UNC13C: variants seen among roughly 807,000 people sequenced by gnomAD.
UNC13C encodes protein unc-13 homolog C.
In UNC13C, 174 loss-of-function variants were observed where a neutral mutation model predicts 245.4. That is an observed-to-expected ratio of 0.71 (90% CI 0.63 to 0.80). The LOEUF (loss-of-function observed/expected upper bound fraction) is 0.80, where lower values mean the gene tolerates loss of function less well. Among genes scored for constraint, UNC13C ranks in the 30% least tolerant of loss-of-function variants. The pLI is 0.00. For synonymous variants in UNC13C, 992 were observed against 895.1 expected, an observed-to-expected ratio of 1.11 and a Z score of -1.93; for missense variants, 2,829 against 2,602.9, an observed-to-expected ratio of 1.09 and a Z score of -1.89.
intron 17 of UNC13C, among the ~76,000 whole-genome samples, chr15:54,385,026 G>A (rs527563469): frequency 6.6e-6 from 1 of 152,236 alleles, no homozygotes; most frequent in South Asian, 2.1e-4. Flanking sequence ...TGCTGGCAAG[G>A]ACGTGAGGAA....
the UNC13C span, among the ~76,000 whole-genome samples, chr15:53,853,034 G>A: frequency 6.7e-6 from 1 of 150,080 alleles, no homozygotes; most frequent in African/African-American, 2.5e-5. Flanking sequence ...TTTATTTTAA[G>A]TACAATGGTA....
intron 30 of UNC13C, among the ~76,000 whole-genome samples, chr15:54,617,176 T>A (rs770492730): frequency 6.6e-6 from 1 of 152,000 alleles, no homozygotes; most frequent in Non-Finnish European, 1.5e-5. Flanking sequence ...CTGTAGAGTT[T>A]AGTGAAGTGA....
intron 19 of UNC13C, among the ~76,000 whole-genome samples, chr15:54,430,620 A>G (rs987228441): frequency 4.0e-5 from 6 of 151,740 alleles, no homozygotes; most frequent in Non-Finnish European, 5.9e-5. Flanking sequence ...TTGTCAAATT[A>G]CATTTTCTAT....
chr15:54,537,366 C>T (rs960207473), intron 26 of UNC13C, among the ~76,000 whole-genome samples: 2 of 152,012 alleles, frequency 1.3e-5, no homozygotes, highest in East Asian at 1.9e-4. Flanking sequence ...ATTCCATGCT[C>T]ATGGATAGGA....
At chr15:54,622,791 G>A (rs1900877504) in intron 31 of UNC13C, among the ~76,000 whole-genome samples, 1 of 152,106 alleles carries the variant, frequency 6.6e-6, no homozygotes, top group Non-Finnish European at 1.5e-5. Flanking sequence ...CTGGCTTAGA[G>A]TTCTTTACAA....
At chr15:53,994,574 A>C (rs957578894) in intron 1 of UNC13C, among the ~76,000 whole-genome samples, 6 of 152,046 alleles carry the variant, frequency 3.9e-5, no homozygotes, top group African/African-American at 1.4e-4. Flanking sequence ...CTAATTCTGT[A>C]AGCATCTATG....
intron 19 of UNC13C, among the ~76,000 whole-genome samples, chr15:54,462,546 G>C (rs1317063931): frequency 6.6e-6 from 1 of 152,216 alleles, no homozygotes; most frequent in African/African-American, 2.4e-5. Flanking sequence ...CCCACACTTT[G>C]AGCAACTGGC....
chr15:54,231,112 G>A (rs1195489608), intron 4 of UNC13C, among the ~76,000 whole-genome samples: 1 of 151,918 alleles, frequency 6.6e-6, no homozygotes. Flanking sequence ...GGAATACTGA[G>A]GCTATTTTGT....
the UNC13C span, among the ~76,000 whole-genome samples, chr15:53,930,510 T>C: frequency 1.3e-5 from 2 of 152,176 alleles, no homozygotes; most frequent in African/African-American, 2.4e-5. Flanking sequence ...CTTTGGCTCT[T>C]TCTAGGGCAG....
At chr15:54,403,822 G>T (rs1489459111) in intron 18 of UNC13C, among the ~76,000 whole-genome samples, 1 of 149,842 alleles carries the variant, frequency 6.7e-6, no homozygotes, top group East Asian at 2.0e-4. Context: ...TTAAAATAAT[G>T]CCTTGAAACA....
chr15:54,081,681 C>G (rs1437680737), intron 2 of UNC13C, among the ~76,000 whole-genome samples: 2 of 151,822 alleles, frequency 1.3e-5, no homozygotes, highest in Admixed American at 1.3e-4. Flanking sequence ...CTGTGGGTAT[C>G]ATTACACATA....
At chr15:53,969,348 A>T in the UNC13C span, among the ~76,000 whole-genome samples, 54 of 152,280 alleles carry the variant, frequency 3.5e-4, no homozygotes, top group African/African-American at 1.3e-3. Context: ...TCAAGCAGGA[A>T]TTTGATAAAT....
At chr15:54,067,339 C>T (rs1315685905) in intron 2 of UNC13C, among the ~76,000 whole-genome samples, 1 of 152,144 alleles carries the variant, frequency 6.6e-6, no homozygotes, top group Non-Finnish European at 1.5e-5. Flanking sequence ...TTTAGGCCAA[C>T]ACACTCCACA....
intron 30 of UNC13C, among the ~76,000 whole-genome samples, chr15:54,616,282 G>A (rs1900424993): frequency 6.6e-6 from 1 of 151,980 alleles, no homozygotes; most frequent in African/African-American, 2.4e-5. Context: ...GTTAATTTAA[G>A]TATGTCTACA....
chr15:54,535,483 A>G (rs1895947569), intron 26 of UNC13C, among the ~76,000 whole-genome samples: 1 of 152,084 alleles, frequency 6.6e-6, no homozygotes, highest in Non-Finnish European at 1.5e-5. Flanking sequence ...TAAACTCTAC[A>G]CTTGACCAAA....
At chr15:54,134,094 A>G (rs537465105) in intron 2 of UNC13C, among the ~76,000 whole-genome samples, 2 of 151,482 alleles carry the variant, frequency 1.3e-5, no homozygotes, top group Non-Finnish European at 1.5e-5. Flanking sequence ...CTTATGTACT[A>G]TATTAACACA....
In UNC13C at chr15:54,038,120, ATATATT is replaced by A. The variant is rs1351960812; in HGVS notation, c.2983+22236_2983+22241del. Among the ~76,000 whole-genome samples, 4 of 45,198 alleles carry A rather than the reference ATATATT, an allele frequency of 8.8e-5. 1 individual carries two copies. Among genetic ancestry groups the A allele is most frequent in the African/African-American group, 4.2e-4 (4 of 9,594 alleles). The allele number at this position is 45,198 out of a possible 152,430, so 29.7% of individuals were successfully genotyped here. On this transcript the variant is annotated intron_variant, in intron 2 of 32. Coordinates refer to ENST00000260323, the MANE Select transcript of UNC13C (RefSeq NM_001080534.3). ...TATACATATATATATATATATATAT[ATATATT>A]TTTTTTTTTTTTTTCCTGAGACAGA...
At chr15:54,363,926 A>C (rs1834557851) in intron 17 of UNC13C, among the ~76,000 whole-genome samples, 1 of 152,226 alleles carries the variant, frequency 6.6e-6, no homozygotes, top group Admixed American at 6.5e-5. Flanking sequence ...ACTAACAAGC[A>C]ATTTTCAGTA....
chr15:54,295,648 G>GT (rs1453445156), intron 11 of UNC13C, among the ~76,000 whole-genome samples: 1 of 98,314 alleles, frequency 1.0e-5, no homozygotes. Context: ...GTGAGACCTT[G>GT]TAAAAAAAAA....
Sources: gnomAD v4.1 joint callset for allele counts (sites outside exome capture counted in the v4.1 genomes callset) on GRCh38, gnomAD v4.1.1 for gene constraint, MANE v1.5 for transcripts, NCBI Gene and HGNC (gene_info 2026-07-23, HGNC 2026-07-21) for gene names.